Variants in CFAP161 observed in about 807,000 individuals in gnomAD.
CFAP161 encodes the protein cilia- and flagella-associated protein 161.
In CFAP161, 25 loss-of-function variants were observed where a neutral mutation model predicts 29.0. The observed-to-expected ratio is 0.86, with a 90% CI of 0.63 to 1.20. The LOEUF is 1.20. Among genes scored for constraint, CFAP161 ranks in the 50% most tolerant of loss-of-function variants. The pLI, the probability that CFAP161 is intolerant of heterozygous loss-of-function variation, is 0.00. For synonymous variants in CFAP161, 116 were observed against 137.4 expected (o/e 0.84, Z 1.09); for missense variants, 367 against 371.9 (o/e 0.99, Z 0.11).
At chr15:81,144,433 A>C (rs1324969319) in intron 5 of CFAP161, among the ~76,000 whole-genome samples, 3 of 152,088 alleles carry the variant, frequency 2.0e-5, no homozygotes, top group Non-Finnish European at 2.9e-5. Context: ...CTGTCTCTAC[A>C]AAAAATACAA....
At chr15:81,136,431 T>C in intron 2 of CFAP161, 85 bp from the exon 3 acceptor site, 3 of 1,168,006 alleles carry the variant, frequency 2.6e-6, no homozygotes. Context: ...AAATGGGTAC[T>C]AGTCCGAGAA....
chr15:81,118,937 TAAGTA>T (rs1346323949), intron 1 of CFAP161, among the ~76,000 whole-genome samples: 5 of 152,244 alleles, frequency 3.3e-5, no homozygotes, highest in African/African-American at 1.2e-4. Context: ...GGAAAACATT[TAAGTA>T]AAGAACCAAT....
intron 1 of CFAP161, among the ~76,000 whole-genome samples, chr15:81,105,928 C>T (rs117853791): frequency 1.3e-5 from 2 of 152,308 alleles, no homozygotes; most frequent in East Asian, 3.9e-4. Context: ...ATCCCCTTGT[C>T]TATCAGGCAT....
chr15:81,119,231 G>A (rs2663936), intron 1 of CFAP161, among the ~76,000 whole-genome samples: 86,916 of 151,946 alleles, frequency 0.57, 26,110 homozygotes, highest in Non-Finnish European at 0.68. Flanking sequence ...ACTTAGACTA[G>A]CCATGATTAA....
intron 3 of CFAP161, among the ~76,000 whole-genome samples, chr15:81,137,377 C>T (rs944975722): frequency 2.0e-5 from 3 of 152,120 alleles, no homozygotes; most frequent in Admixed American, 1.3e-4. Context: ...GGCAGATCAC[C>T]TGAGGTCTGG....
chr15:81,130,320 A>G (rs1191416454), upstream of CFAP161, among the ~76,000 whole-genome samples: 1 of 152,228 alleles, frequency 6.6e-6, no homozygotes, highest in Non-Finnish European at 1.5e-5. Flanking sequence ...TGCATTCACA[A>G]CTTAGCTAAC....
chr15:81,120,078 AT>A (rs1410679463), intron 1 of CFAP161, among the ~76,000 whole-genome samples: 13 of 152,184 alleles, frequency 8.5e-5, no homozygotes, highest in Admixed American at 4.6e-4. Flanking sequence ...GGCAGGTATT[AT>A]CTTCATAAAA....
chr15:81,108,581 T>G (rs950236363), intron 1 of CFAP161, among the ~76,000 whole-genome samples: 6 of 152,080 alleles, frequency 3.9e-5, no homozygotes, highest in Non-Finnish European at 5.9e-5. Flanking sequence ...ACTAGATCGG[T>G]GGTTTTCAAT....
chr15:81,130,086 G>A (rs1380901019), upstream of CFAP161, among the ~76,000 whole-genome samples: 2 of 151,932 alleles, frequency 1.3e-5, no homozygotes, highest in Non-Finnish European at 2.9e-5. Context: ...TTTATGTTAT[G>A]AAGATGGCTT....
At chr15:81,100,400 C>A (rs935015746) in intron 1 of CFAP161, among the ~76,000 whole-genome samples, 3 of 151,708 alleles carry the variant, frequency 2.0e-5, no homozygotes, top group African/African-American at 7.2e-5. Flanking sequence ...CATATTGAGA[C>A]CTTACAGATA....
chr15:81,105,167 T>TC (rs1417093966), intron 1 of CFAP161, among the ~76,000 whole-genome samples: 1 of 32,254 alleles, frequency 3.1e-5, no homozygotes, highest in East Asian at 8.1e-4. Context: ...CTCCCTTCCT[T>TC]CCTCCCTCCC....
intron 1 of CFAP161, among the ~76,000 whole-genome samples, chr15:81,116,778 G>A (rs1334287305): frequency 2.0e-5 from 3 of 152,154 alleles, no homozygotes; most frequent in African/African-American, 4.8e-5. Flanking sequence ...TCAGCTTGTA[G>A]GGCTTTAGGA....
At chr15:81,134,965 C>T (rs1427462071) in intron 1 of CFAP161, among the ~76,000 whole-genome samples, 1 of 152,152 alleles carries the variant, frequency 6.6e-6, no homozygotes, top group East Asian at 1.9e-4. Flanking sequence ...AGTCATCATA[C>T]GGTCAAGGGA....
rs58188926 is a variant in CFAP161 at position 81,107,922 on chromosome 15, A to AT, written c.-141-19656dup. Among the ~76,000 whole-genome samples, 556 of 143,994 alleles carry AT rather than the reference A, an allele frequency of 3.9e-3. 1 individual carries two copies. The highest frequency in any genetic ancestry group is 7.9e-3 in the African/African-American group (319 of 40,208). 94.5% of individuals were successfully genotyped at this position (143,994 alleles called of 152,430 possible). On this transcript the variant is annotated intron_variant, in intron 1 of 4. Transcript: ENST00000560091. ...TTCTCCTTTCCTCCCCTCTTATCACATTTTTTTTTTTTGATGGTGGGTTTT... is the reference window on the plus strand; with the variant it reads ...TTCTCCTTTCCTCCCCTCTTATCACATTTTTTTTTTTTTGATGGTGGGTTTT...
At position 81,127,887 on chromosome 15, in the gene CFAP161, A is replaced by G. The variant is rs1894660764; in HGVS notation, c.-7+163A>G. The stretch of plus-strand genomic sequence containing the variant: ...GGGGACAGAGCATTGCAATGGGACT[A>G]TGCATGCCATAGTAAACTATGTGTG... On this transcript the variant is annotated intron_variant, in intron 2 of 4. Transcript: ENST00000560091. Among the ~76,000 whole-genome samples, 3 of 152,346 alleles carry G rather than the reference A, an allele frequency of 2.0e-5. No individual in the cohort carries two copies. In the South Asian group the frequency reaches 6.2e-4, roughly 32 times the overall value.
chr15:81,099,852 TA>T (rs1206157532), intron 1 of CFAP161, among the ~76,000 whole-genome samples: 4 of 152,202 alleles, frequency 2.6e-5, no homozygotes, highest in Non-Finnish European at 4.4e-5. Context: ...TTATTAGACC[TA>T]AAGGTAGGTA....
At chr15:81,128,831 G>A (rs1314034695) in intron 2 of CFAP161, among the ~76,000 whole-genome samples, 1 of 151,982 alleles carries the variant, frequency 6.6e-6, no homozygotes, top group Non-Finnish European at 1.5e-5. Flanking sequence ...TTGGCTGGTT[G>A]TGGTGGTTTA....
chr15:81,124,662 G>A (rs931622947), intron 1 of CFAP161, among the ~76,000 whole-genome samples: 1 of 151,858 alleles, frequency 6.6e-6, no homozygotes, highest in African/African-American at 2.4e-5. Flanking sequence ...TTGGTTCAAA[G>A]GCTAATTACT....
intron 1 of CFAP161, among the ~76,000 whole-genome samples, chr15:81,121,526 T>A (rs60369951): frequency 0.57 from 86,289 of 151,550 alleles, 25,887 homozygotes; most frequent in Non-Finnish European, 0.68. Flanking sequence ...ACATCTGACT[T>A]TTTTGGTATA....
Sources: allele counts gnomAD v4.1 joint callset (sites outside exome capture counted in the v4.1 genomes callset), GRCh38; gene constraint gnomAD v4.1.1; transcripts MANE v1.5; gene names NCBI Gene and HGNC (gene_info 2026-07-23, HGNC 2026-07-21).